KIF4A: variants seen among roughly 807,000 people sequenced by gnomAD.
The protein encoded by KIF4A is chromosome-associated kinesin KIF4A.
Under a neutral mutation model 105.9 loss-of-function variants are expected in KIF4A, and 7 were observed. The observed-to-expected ratio is 0.07, with a 90% CI of 0.04 to 0.12. The LOEUF is 0.12. Ranked by LOEUF, KIF4A falls within the 10% of genes least tolerant of loss-of-function variation. The pLI, the probability that KIF4A is intolerant of heterozygous loss-of-function variation, is 1.00. For missense variants in KIF4A, 558 were observed against 929.2 expected (o/e 0.60, Z 5.19); for synonymous variants, 281 against 331.3 (o/e 0.85, Z 1.65).
chrX:70,298,511 G>A (rs1032331732), intron 4 of KIF4A, among the ~76,000 whole-genome samples: 2 of 111,406 alleles, frequency 1.8e-5, no homozygotes, highest in African/African-American at 6.5e-5. Flanking sequence ...GGGATTATAG[G>A]CGTGAGTGAC....
chrX:70,302,010 G>A lies in KIF4A; in HGVS notation c.627G>A (p.Ser209=), dbSNP rs1459225805. 6.6e-6 allele frequency: 8 copies of A among 1,209,989 alleles called. No homozygotes were observed. Among genetic ancestry groups the A allele is most frequent in the African/African-American group, 1.7e-5 (1 of 57,209 alleles). The change falls in exon 6 of 31, where the codon TCG becomes TCA. Residue 209 remains serine, a synonymous_variant. Coordinates refer to ENST00000374403, the MANE Select transcript of KIF4A (RefSeq NM_012310.5). ...TVASTAMNSQ[S]SRSHAIFTIS... is the part of the protein sequence containing the mutation. ...CCTCCACGGCTATGAACTCCCAGTC[G>A]TCCCGATCTCATGCCATCTTTACAA...
intron 7 of KIF4A, among the ~76,000 whole-genome samples, chrX:70,310,897 A>C (rs1405383860): frequency 9.0e-6 from 1 of 111,008 alleles, no homozygotes; most frequent in Non-Finnish European, 1.9e-5. Context: ...AGGCCTAGGT[A>C]GGAGGATCGC....
chrX:70,347,547 T>C (rs2085997847), intron 13 of KIF4A, among the ~76,000 whole-genome samples: 1 of 111,837 alleles, frequency 8.9e-6, no homozygotes, highest in Admixed American at 9.5e-5. Context: ...TGGAAGGTAC[T>C]AGAGAAAGTC....
At chrX:70,357,654 T>A (rs1305314769) in intron 15 of KIF4A, among the ~76,000 whole-genome samples, 1 of 112,600 alleles carries the variant, frequency 8.9e-6, no homozygotes, top group Non-Finnish European at 1.9e-5. Flanking sequence ...TTTTTAAAAA[T>A]TCTTTTACTT....
At chrX:70,367,287 G>T (rs2086108532) in intron 15 of KIF4A, among the ~76,000 whole-genome samples, 1 of 111,496 alleles carries the variant, frequency 9.0e-6, no homozygotes, top group South Asian at 3.8e-4. Context: ...ATTTGATCCT[G>T]TCATTATGAT....
intron 15 of KIF4A, among the ~76,000 whole-genome samples, chrX:70,356,512 G>A (rs1032524639): frequency 1.8e-5 from 2 of 111,898 alleles, no homozygotes; most frequent in South Asian, 3.7e-4. Flanking sequence ...GCAGTGAGTC[G>A]AGATTGCACC....
rs1335939409 is a variant in KIF4A, at chrX:70,373,531, T to G, written c.1675-620T>G. ...ATATACATGTGTGTGTATGTATATA[T>G]ATATATATATATATATATATATATA... On this transcript the variant is annotated intron_variant, in intron 15 of 30. Coordinates refer to ENST00000374403, the MANE Select transcript of KIF4A (RefSeq NM_012310.5). Among the ~76,000 whole-genome samples the G allele has an allele frequency of 7.3e-4, 24 of 32,816 alleles. 5 individuals carry two copies. The highest frequency in any genetic ancestry group is 9.4e-4 in the Admixed American group (2 of 2,132). The allele number at this position is 32,816 out of a possible 115,157, so 28.5% of individuals were successfully genotyped here. A position where few individuals can be genotyped will look rare whatever the true frequency, so the allele number is the denominator to read the frequency against.
At chrX:70,393,814 T>C (rs181076736) in intron 20 of KIF4A, among the ~76,000 whole-genome samples, 3,720 of 11,389 alleles carry the variant, frequency 0.33, 231 homozygotes, top group South Asian at 0.59. Flanking sequence ...TCTTTCTTTC[T>C]TTCTTTCTTT....
chrX:70,298,947 G>C (rs2085794152), intron 4 of KIF4A, among the ~76,000 whole-genome samples, 166 bp from the exon 5 acceptor site: 1 of 112,140 alleles, frequency 8.9e-6, no homozygotes, highest in Non-Finnish European at 1.9e-5. Flanking sequence ...ATTACCTATA[G>C]GGTTATGGTC....
chrX:70,394,234 C>T (rs2086250971), intron 20 of KIF4A, among the ~76,000 whole-genome samples: 1 of 105,719 alleles, frequency 9.5e-6, no homozygotes, highest in Non-Finnish European at 1.9e-5. Flanking sequence ...GACAGGATCT[C>T]ACTCTGTTAC....
rs190656584 is a variant in KIF4A, at chrX:70,332,274, G to A, written c.1072-1354G>A. On this transcript the variant is annotated intron_variant, in intron 9 of 30. Transcript: ENST00000374403. ...CTTTACCATTTAAAGGACAAGTGGAGCAAAGATGAACCAAGAAAGAGACTT... is the reference window on the plus strand; with the variant it reads ...CTTTACCATTTAAAGGACAAGTGGAACAAAGATGAACCAAGAAAGAGACTT... 1.2e-4 allele frequency among the ~76,000 whole-genome samples: 13 copies of A among 111,683 alleles called. No individual in the cohort carries two copies. The East Asian group carries it at 3.7e-3, about 31-fold the overall frequency.
At chrX:70,377,532 A>G (rs1221836875) in intron 18 of KIF4A, among the ~76,000 whole-genome samples, 2 of 112,677 alleles carry the variant, frequency 1.8e-5, no homozygotes, top group African/African-American at 3.2e-5. Context: ...AACAGAATCT[A>G]TAGACTACGC....
Position 70,373,647 on chromosome X carries a change from TGTATATATATAC to T in KIF4A, c.1675-491_1675-480del, listed in dbSNP as rs1194336095. On this transcript the variant is annotated intron_variant, in intron 15 of 30. Coordinates refer to ENST00000374403, the MANE Select transcript of KIF4A (RefSeq NM_012310.5). ...ATACGTATATATATACATATATACG[TGTATATATATAC>T]GTATATATATACATATATACGTGTA... Among the ~76,000 whole-genome samples the T allele has an allele frequency of 7.5e-4, 2 of 2,663 alleles. 1 individual carries two copies. The allele number at this position is 2,663 out of a possible 115,157, so 2.3% of individuals were successfully genotyped here. A position where few individuals can be genotyped will look rare whatever the true frequency, so the allele number is the denominator to read the frequency against.
At chrX:70,325,105 C>G (rs1277233648) in intron 7 of KIF4A, among the ~76,000 whole-genome samples, 3 of 111,966 alleles carry the variant, frequency 2.7e-5, no homozygotes, top group African/African-American at 9.8e-5. Context: ...AGATTTTAAT[C>G]TGCCTTCTTT....
chrX:70,304,734 C>A (rs1343250378), intron 7 of KIF4A, among the ~76,000 whole-genome samples: 1 of 99,510 alleles, frequency 1.0e-5, no homozygotes, highest in Non-Finnish European at 2.0e-5. Context: ...TCTTGGCTCA[C>A]TGCAACCTCC....
intron 14 of KIF4A, 73 bp from the exon 15 acceptor site, chrX:70,353,549 C>A: frequency 1.1e-6 from 1 of 928,468 alleles, no homozygotes. Flanking sequence ...GCCTGTGAGA[C>A]TTGATGAAAT....
chrX:70,296,952 T>A, intron 3 of KIF4A, 46 bp from the exon 4 acceptor site: 1 of 1,138,108 alleles, frequency 8.8e-7, no homozygotes, highest in South Asian at 1.9e-5. Flanking sequence ...ATTGATTAGA[T>A]GAAAATGTTT....
intron 3 of KIF4A, among the ~76,000 whole-genome samples, chrX:70,291,109 G>A (rs1019683980): frequency 9.0e-5 from 10 of 111,262 alleles, no homozygotes; most frequent in African/African-American, 3.3e-4. Context: ...CCTACTTGAG[G>A]CCCAGGCACT....
chrX:70,327,902 A>G (rs1305124901), intron 7 of KIF4A, among the ~76,000 whole-genome samples: 1 of 111,640 alleles, frequency 9.0e-6, no homozygotes, highest in Non-Finnish European at 1.9e-5. Context: ...TCTTAGGAAA[A>G]CGTAATTGAA....
Sources: gnomAD v4.1 joint callset for allele counts (sites outside exome capture counted in the v4.1 genomes callset) on GRCh38, gnomAD v4.1.1 for gene constraint, MANE v1.5 for transcripts, NCBI Gene and HGNC (gene_info 2026-07-23, HGNC 2026-07-21) for gene names.